The following SLC16A2 variants were observed in gnomAD, a reference collection of about 807,000 sequenced individuals.
SLC16A2 encodes monocarboxylate transporter 8.
A neutral mutation model predicts 27.2 loss-of-function variants in SLC16A2; 3 were observed. That is an observed-to-expected ratio of 0.11 (90% CI 0.05 to 0.28). The LOEUF (loss-of-function observed/expected upper bound fraction) is 0.28. SLC16A2 is among the 10% of genes least tolerant of loss of function. SLC16A2 has a pLI of 1.00. For missense variants in SLC16A2, 295 were observed against 458.5 expected (o/e 0.64, Z 3.26); for synonymous variants, 202 against 187.8 (o/e 1.08, Z -0.62).
chrX:74,468,921 C>A (rs1929302251), intron 1 of SLC16A2, among the ~76,000 whole-genome samples: 1 of 111,374 alleles, frequency 9.0e-6, no homozygotes, highest in African/African-American at 3.3e-5. Flanking sequence ...AGATCTTATT[C>A]CTTCTATCTA....
intron 1 of SLC16A2, among the ~76,000 whole-genome samples, chrX:74,496,912 C>G (rs753479029): frequency 1.8e-5 from 2 of 111,963 alleles, no homozygotes; most frequent in Non-Finnish European, 3.8e-5. Context: ...CTGTTCGAGG[C>G]CTGCAGGTGT....
intron 1 of SLC16A2, among the ~76,000 whole-genome samples, chrX:74,495,945 C>T: frequency 9.0e-6 from 1 of 111,027 alleles, no homozygotes; most frequent in Non-Finnish European, 1.9e-5. Flanking sequence ...GCTCCCGATC[C>T]CCAAGGTGTT....
intron 2 of SLC16A2, among the ~76,000 whole-genome samples, chrX:74,522,184 T>C (rs1930417942): frequency 8.9e-6 from 1 of 111,910 alleles, no homozygotes; most frequent in Non-Finnish European, 1.9e-5. Context: ...AGAGACTTGC[T>C]TTCTGAGCTT....
intron 1 of SLC16A2, among the ~76,000 whole-genome samples, chrX:74,480,360 G>A (rs969858548): frequency 3.6e-5 from 4 of 112,453 alleles, no homozygotes; most frequent in Non-Finnish European, 7.5e-5. Context: ...TTAGTGACCC[G>A]ATTTTCCAGG....
At chrX:74,484,171 G>A (rs768673965) in intron 1 of SLC16A2, among the ~76,000 whole-genome samples, 8 of 111,922 alleles carry the variant, frequency 7.1e-5, no homozygotes, top group Non-Finnish European at 1.3e-4. Flanking sequence ...GAGTGACCAC[G>A]GCCCATGACA....
At chrX:74,492,083 G>C (rs1929837750) in intron 1 of SLC16A2, among the ~76,000 whole-genome samples, 1 of 112,049 alleles carries the variant, frequency 8.9e-6, no homozygotes, top group Admixed American at 9.4e-5. Flanking sequence ...GCCTATCCTA[G>C]CGACTTGCCA....
intron 1 of SLC16A2, among the ~76,000 whole-genome samples, chrX:74,490,954 C>G (rs949872230): frequency 4.5e-5 from 5 of 111,491 alleles, no homozygotes; most frequent in African/African-American, 1.6e-4. Flanking sequence ...GGCCAAGGCT[C>G]GGGAGGACTT....
Position 74,501,289 on chromosome X carries a change from G to A in SLC16A2, c.431-19701G>A, listed in dbSNP as rs746745924. On this transcript the variant is annotated intron_variant, in intron 1 of 5. Transcript: ENST00000587091. Reference sequence around the variant, plus strand: ...AATTGCCATATTATTCTTTAGTGTCGACCAAACTCTCCCCAGAGAGACCTG... The same window carrying A: ...AATTGCCATATTATTCTTTAGTGTCAACCAAACTCTCCCCAGAGAGACCTG... Among the ~76,000 whole-genome samples, 25 of 110,974 alleles carry A rather than the reference G, an allele frequency of 2.3e-4. 1 individual carries two copies. In the South Asian group the frequency reaches 9.0e-3, roughly 40 times the overall value.
intron 1 of SLC16A2, among the ~76,000 whole-genome samples, chrX:74,470,726 CAGG>C (rs754260451): frequency 1.8e-5 from 2 of 111,413 alleles, no homozygotes; most frequent in Non-Finnish European, 3.8e-5. Flanking sequence ...GCGGGCAGAT[CAGG>C]AGATCGAGAT....
At chrX:74,427,986 C>G (rs755819731) in intron 1 of SLC16A2, among the ~76,000 whole-genome samples, 2 of 111,351 alleles carry the variant, frequency 1.8e-5, no homozygotes, top group Non-Finnish European at 3.8e-5. Context: ...AAGAAGCTTG[C>G]TAGGCGAGAG....
intron 1 of SLC16A2, among the ~76,000 whole-genome samples, chrX:74,443,215 C>A (rs1249065470): frequency 1.8e-5 from 2 of 111,183 alleles, no homozygotes; most frequent in African/African-American, 6.6e-5. Flanking sequence ...CATCCAAGGT[C>A]AAGTGCTAGT....
intron 1 of SLC16A2, among the ~76,000 whole-genome samples, chrX:74,438,862 C>T (rs1166762583): frequency 2.7e-5 from 3 of 112,125 alleles, no homozygotes; most frequent in African/African-American, 6.5e-5. Context: ...CAGTATGTGA[C>T]ATACACATGT....
At chrX:74,424,727 C>T (rs1026534839) in intron 1 of SLC16A2, among the ~76,000 whole-genome samples, 2 of 111,981 alleles carry the variant, frequency 1.8e-5, no homozygotes, top group Admixed American at 1.9e-4. Flanking sequence ...TTTGGAGGCA[C>T]CTCGTAACCC....
At chrX:74,488,088 C>T (rs1032676132) in intron 1 of SLC16A2, among the ~76,000 whole-genome samples, 2 of 110,961 alleles carry the variant, frequency 1.8e-5, no homozygotes, top group African/African-American at 6.5e-5. Context: ...CAAAGATTAC[C>T]AAAGTCATGT....
intron 1 of SLC16A2, among the ~76,000 whole-genome samples, chrX:74,467,455 G>T (rs1929273724): frequency 9.0e-6 from 1 of 111,558 alleles, no homozygotes; most frequent in South Asian, 3.8e-4. Flanking sequence ...TCTAGGATTG[G>T]TTTGAAGGTT....
intron 1 of SLC16A2, among the ~76,000 whole-genome samples, chrX:74,519,332 C>A (rs1014289183): frequency 9.2e-6 from 1 of 108,116 alleles, no homozygotes; most frequent in Admixed American, 9.8e-5. Flanking sequence ...CGCCCGCCCC[C>A]ACACCCAGCT....
At chrX:74,506,930 TTTA>T (rs1930141377) in intron 1 of SLC16A2, among the ~76,000 whole-genome samples, 1 of 29,238 alleles carries the variant, frequency 3.4e-5, no homozygotes, top group African/African-American at 6.2e-5. Flanking sequence ...TATTTATTTA[TTTA>T]TTTATTTTTT....
At chrX:74,479,772 A>G (rs1318075379) in intron 1 of SLC16A2, among the ~76,000 whole-genome samples, 2 of 111,967 alleles carry the variant, frequency 1.8e-5, no homozygotes, top group Non-Finnish European at 3.8e-5. Flanking sequence ...TTGCCTGGGT[A>G]TCAGCAGCAG....
chrX:74,476,243 AT>A (rs1929474554), intron 1 of SLC16A2, among the ~76,000 whole-genome samples: 1 of 111,843 alleles, frequency 8.9e-6, no homozygotes, highest in Non-Finnish European at 1.9e-5. Context: ...CTTTGAAGCA[AT>A]TGTGAATGGG....
Sources: gnomAD v4.1 joint callset for allele counts (sites outside exome capture counted in the v4.1 genomes callset) on GRCh38, gnomAD v4.1.1 for gene constraint, MANE v1.5 for transcripts, NCBI Gene and HGNC (gene_info 2026-07-23, HGNC 2026-07-21) for gene names.